The following PKP4 variants were observed in gnomAD, a reference collection of about 807,000 sequenced individuals.
PKP4 encodes plakophilin 4.
In PKP4, 90 loss-of-function variants were observed where a neutral mutation model predicts 145.1. That is an observed-to-expected ratio of 0.62 (90% confidence interval 0.52 to 0.74). PKP4 has a LOEUF of 0.74. Among genes scored for constraint, PKP4 ranks in the 30% least tolerant of loss-of-function variants. PKP4 has a pLI of 0.00. For synonymous variants in PKP4, 563 were observed against 577.2 expected, an observed-to-expected ratio of 0.98 and a Z score of 0.35; for missense variants, 1,340 against 1,482.7, an observed-to-expected ratio of 0.90 and a Z score of 1.58.
chr2:158,527,047 A>G (rs79093293), intron 1 of PKP4, among the ~76,000 whole-genome samples: 44,227 of 119,104 alleles, frequency 0.37, 8,854 homozygotes, highest in East Asian at 0.64. Flanking sequence ...TATCGTGAAA[A>G]TGGCCATACT....
At chr2:158,675,729 G>A (rs991282129) in intron 19 of PKP4, among the ~76,000 whole-genome samples, 21 of 152,214 alleles carry the variant, frequency 1.4e-4, no homozygotes, top group African/African-American at 4.8e-4. Flanking sequence ...AAGGTGAGCA[G>A]CACATAGACA....
At chr2:158,538,070 G>A (rs1022663594) in intron 2 of PKP4, among the ~76,000 whole-genome samples, 3 of 152,222 alleles carry the variant, frequency 2.0e-5, no homozygotes, top group Middle Eastern at 6.8e-3. Flanking sequence ...TCTTCCTGTG[G>A]AAACCTTAGA....
intron 2 of PKP4, among the ~76,000 whole-genome samples, chr2:158,569,365 G>A (rs1054934215): frequency 6.6e-6 from 1 of 152,162 alleles, no homozygotes; most frequent in Non-Finnish European, 1.5e-5. Flanking sequence ...GCTGTATGTT[G>A]CACTTTTCTT....
chr2:158,678,296 G>C (rs1249025705), intron 20 of PKP4, among the ~76,000 whole-genome samples: 2 of 152,238 alleles, frequency 1.3e-5, no homozygotes, highest in Non-Finnish European at 2.9e-5. Flanking sequence ...CAGAGCTTGA[G>C]CAGGAACCTT....
At chr2:158,533,482 C>T (rs147228310) in intron 2 of PKP4, 166 bp downstream of exon 2, 211 of 783,672 alleles carry the variant, frequency 2.7e-4, no homozygotes, top group African/African-American at 2.6e-3. Flanking sequence ...CATGTAGAGC[C>T]GCTCCAGGTG....
intron 2 of PKP4, among the ~76,000 whole-genome samples, chr2:158,561,668 T>G (rs1241728836): frequency 1.3e-5 from 2 of 152,372 alleles, no homozygotes; most frequent in East Asian, 3.9e-4. Context: ...ACTTCCCAGG[T>G]TACATGAGTG....
chr2:158,645,206 A>C (rs1404290091), intron 11 of PKP4, among the ~76,000 whole-genome samples: 1 of 152,228 alleles, frequency 6.6e-6, no homozygotes, highest in East Asian at 1.9e-4. Flanking sequence ...AGCGCTTCTA[A>C]ATTAGTACTC....
At chr2:158,546,934 A>T (rs927984780) in intron 2 of PKP4, among the ~76,000 whole-genome samples, 1 of 152,186 alleles carries the variant, frequency 6.6e-6, no homozygotes, top group Non-Finnish European at 1.5e-5. Context: ...TCTGTTTTTC[A>T]CAAAGGATAT....
In PKP4 at chr2:158,536,364, G is replaced by A. The variant is rs146153785; in HGVS notation, c.132+3048G>A. Among the ~76,000 whole-genome samples, 7 of 152,236 alleles carry A rather than the reference G, an allele frequency of 4.6e-5. No homozygotes were observed. The East Asian group carries it at 1.2e-3, about 25-fold the overall frequency. ...ATTGCAACCCCAAACATAATGTCAA[G>A]GCACTTGGTTAAGGAATTGCAAAGT... On this transcript the variant is annotated intron_variant, in intron 2 of 21. Coordinates refer to ENST00000389759, the MANE Select transcript of PKP4 (RefSeq NM_003628.6).
At chr2:158,465,227 A>G (rs1485577094) in intron 1 of PKP4, among the ~76,000 whole-genome samples, 4 of 152,248 alleles carry the variant, frequency 2.6e-5, no homozygotes, top group African/African-American at 7.2e-5. Context: ...GATGAGCTAT[A>G]AAATAACTAG....
intron 11 of PKP4, among the ~76,000 whole-genome samples, chr2:158,655,015 A>T (rs2711062): frequency 0.47 from 70,486 of 151,482 alleles, 17,327 homozygotes; most frequent in South Asian, 0.68. Context: ...ATCTTTTTTT[A>T]AAAAAAAATC....
chr2:158,484,438 C>T (rs564762594), intron 1 of PKP4, among the ~76,000 whole-genome samples: 3 of 152,334 alleles, frequency 2.0e-5, no homozygotes, highest in South Asian at 4.1e-4. Context: ...TCTGCTGTTG[C>T]AAGTGTCCGT....
At chr2:158,621,695 G>A (rs2052270502) in intron 6 of PKP4, among the ~76,000 whole-genome samples, 2 of 149,696 alleles carry the variant, frequency 1.3e-5, no homozygotes, top group South Asian at 4.2e-4. Context: ...GCAGTGAGCC[G>A]AGATCGCACC....
rs765545196 is a variant in PKP4, at chr2:158,624,920, C to A, written c.646C>A (p.Pro216Thr). 3.7e-6 allele frequency: 6 copies of A among 1,612,044 alleles called. No individual in the cohort carries two copies. The South Asian group carries it at 6.6e-5, about 18-fold the overall frequency. ...GGCCATGAGAAGAGTTAGTTCAGTT[C>A]CATCTAGAGCACAGTCTCCTTCTTA... ...NRAMRRVSSV[P>T]SRAQSPSYVI... The change falls in exon 7 of 22, where the codon CCA becomes ACA. Residue 216 changes from proline (P) to threonine (T), a missense_variant. Transcript: ENST00000389759.
At chr2:158,603,311 C>G (rs1242591387) in intron 4 of PKP4, among the ~76,000 whole-genome samples, 4 of 152,100 alleles carry the variant, frequency 2.6e-5, no homozygotes, top group South Asian at 4.1e-4. Flanking sequence ...AATGAAAAAG[C>G]ATTGAACAGC....
At chr2:158,474,857 G>A (rs970888038) in intron 1 of PKP4, among the ~76,000 whole-genome samples, 1 of 152,150 alleles carries the variant, frequency 6.6e-6, no homozygotes, top group African/African-American at 2.4e-5. Context: ...CCCTCAAGAG[G>A]TATGAATTCA....
At chr2:158,569,626 T>C (rs943185174) in intron 2 of PKP4, among the ~76,000 whole-genome samples, 7 of 152,214 alleles carry the variant, frequency 4.6e-5, no homozygotes, top group Non-Finnish European at 7.3e-5. Flanking sequence ...ACCTCTTAAT[T>C]CAGCCTTCCC....
At position 158,623,754 on chromosome 2, in the gene PKP4, C is replaced by T. The variant is rs563854859; in HGVS notation, c.604-1124C>T. 2.8e-3 allele frequency among the ~76,000 whole-genome samples: 425 copies of T among 152,250 alleles called. 1 individual carries two copies. The highest frequency in any genetic ancestry group is 4.7e-3 in the Non-Finnish European group (321 of 68,008). On this transcript the variant is annotated intron_variant, in intron 6 of 21. Transcript: ENST00000389759. Reference sequence around the variant, plus strand: ...ATCCCTGCTTCTTTCCTTACCTCCCCACCTAAAAGTGGATGTGGGTTGATG... The same window carrying T: ...ATCCCTGCTTCTTTCCTTACCTCCCTACCTAAAAGTGGATGTGGGTTGATG...
chr2:158,597,292 T>G (rs990704769), intron 3 of PKP4, among the ~76,000 whole-genome samples: 5 of 152,194 alleles, frequency 3.3e-5, no homozygotes, highest in Non-Finnish European at 7.3e-5. Context: ...TTGAAACAGT[T>G]TCTAAAATTA....
Sources: gnomAD v4.1 joint callset for allele counts (sites outside exome capture counted in the v4.1 genomes callset) on GRCh38, gnomAD v4.1.1 for gene constraint, MANE v1.5 for transcripts, NCBI Gene and HGNC (gene_info 2026-07-23, HGNC 2026-07-21) for gene names.